The following DAAM2 variants were observed in gnomAD, a reference collection of about 807,000 sequenced individuals.
DAAM2 encodes disheveled-associated activator of morphogenesis 2.
A neutral mutation model predicts 120.7 loss-of-function variants in DAAM2; 39 were observed. The observed-to-expected ratio is 0.32, with a 90% CI of 0.25 to 0.42. DAAM2 has a LOEUF of 0.42. Ranked by LOEUF, DAAM2 falls within the 10% of genes least tolerant of loss-of-function variation. DAAM2 has a pLI of 1.00. For missense variants in DAAM2, 1,283 were observed against 1,401.7 expected (o/e 0.92, Z 1.35); for synonymous variants, 488 against 524.9 (o/e 0.93, Z 0.96).
intron 1 of DAAM2, among the ~76,000 whole-genome samples, chr6:39,794,605 G>A (rs1761645305): frequency 1.3e-5 from 2 of 152,148 alleles, no homozygotes; most frequent in Admixed American, 1.3e-4. Flanking sequence ...GAGCGTGGAG[G>A]AAGTTGAAAT....
At chr6:39,892,893 G>C (rs375212100) in intron 19 of DAAM2, among the ~76,000 whole-genome samples, 5 of 152,292 alleles carry the variant, frequency 3.3e-5, no homozygotes, top group Admixed American at 2.0e-4. Flanking sequence ...CACAGCAAGG[G>C]ACCTGCAGGT....
At chr6:39,883,911 C>A in intron 14 of DAAM2, 51 bp from the exon 15 acceptor site, 1 of 1,256,586 alleles carries the variant, frequency 8.0e-7, no homozygotes. Context: ...GGAGCATCTT[C>A]ATGATGGAGT....
At chr6:39,879,624 G>A (rs769990999) in intron 14 of DAAM2, 147 bp downstream of exon 14, 16 of 1,063,658 alleles carry the variant, frequency 1.5e-5, no homozygotes, top group Non-Finnish European at 2.0e-5. Context: ...GTACAAAGTG[G>A]GTTTGCTGTG....
intron 14 of DAAM2, among the ~76,000 whole-genome samples, chr6:39,882,791 G>A (rs982598352): frequency 3.3e-5 from 5 of 152,074 alleles, no homozygotes; most frequent in African/African-American, 1.2e-4. Flanking sequence ...TCTGTGTTGG[G>A]GTTGGCCAGC....
At chr6:39,864,297 T>C in intron 3 of DAAM2, 136 bp from the exon 4 acceptor site, 1 of 630,220 alleles carries the variant, frequency 1.6e-6, no homozygotes, top group South Asian at 2.0e-5. Flanking sequence ...TGGGGGAGAG[T>C]GTAATTTCCT....
intron 14 of DAAM2, among the ~76,000 whole-genome samples, chr6:39,880,402 CA>C (rs1319228943): frequency 2.6e-5 from 4 of 152,062 alleles, no homozygotes; most frequent in Non-Finnish European, 5.9e-5. Context: ...AGCTATCTGC[CA>C]GGGGTCTTCT....
At chr6:39,821,550 C>G (rs1314941178) in intron 1 of DAAM2, 5 of 152,270 alleles carry the variant, frequency 3.3e-5, no homozygotes, top group Non-Finnish European at 7.3e-5. Flanking sequence ...TCTGGTGACT[C>G]TTGCCAGTGG....
At chr6:39,871,262 T>C (rs1764648924) in intron 8 of DAAM2, among the ~76,000 whole-genome samples, 1 of 152,070 alleles carries the variant, frequency 6.6e-6, no homozygotes, top group Non-Finnish European at 1.5e-5. Context: ...AGTGCCGAAG[T>C]ATAGAAGCCC....
chr6:39,864,514 G>C lies in DAAM2; in HGVS notation c.333+7G>C, dbSNP rs1273888784. 6.2e-7 allele frequency: 1 copy of C among 1,606,298 alleles called. No homozygotes were observed. The highest frequency in any genetic ancestry group is 1.1e-5 in the South Asian group (1 of 89,468). ...CATCAATTCCATGGCTGCGGTGAGT[G>C]GCTGCCCCTCTCCTGCCCTGCCCCC... On this transcript the variant is annotated splice_region_variant and intron_variant, in intron 4 of 24. Coordinates refer to ENST00000274867, the MANE Select transcript of DAAM2 (RefSeq NM_001201427.2).
chr6:39,901,746 TG>T lies in DAAM2; in HGVS notation c.2983-61del. On this transcript the variant is annotated intron_variant, in intron 24 of 24. Coordinates refer to ENST00000274867, the MANE Select transcript of DAAM2 (RefSeq NM_001201427.2). The surrounding 1 kb of genome is among the most constrained non-coding windows in gnomAD (Gnocchi z 4.5). The stretch of plus-strand genomic sequence containing the variant: ...CATGGCCTAGGAGTTAGCCCAGGGT[TG>T]GGGGGCTGCCCTGGCCTCAGCGCCT... The T allele has an allele frequency of 7.2e-7, 1 of 1,387,876 alleles. No homozygotes were observed. The highest frequency in any genetic ancestry group is 9.5e-7 in the Non-Finnish European group (1 of 1,047,244). The allele number at this position is 1,387,876 out of a possible 1,614,324, so 86.0% of individuals were successfully genotyped here.
rs537990754 is a variant in DAAM2 at position 39,868,323 on chromosome 6, A to G, written c.762+480A>G. On this transcript the variant is annotated intron_variant, in intron 6 of 24. Coordinates refer to ENST00000274867, the MANE Select transcript of DAAM2 (RefSeq NM_001201427.2). ...TTTTCTTTCCCTGACCTGCCCAGAG[A>G]AGTATCAGTGAGATGAACAGTAAAT... 21 of 225,616 alleles carry G rather than the reference A, an allele frequency of 9.3e-5. No homozygotes were observed. In the East Asian group the frequency reaches 2.1e-3, roughly 23 times the overall value. 14.0% of individuals were successfully genotyped at this position (225,616 alleles called of 1,614,324 possible). A position where few individuals can be genotyped will look rare whatever the true frequency, so the allele number is the denominator to read the frequency against.
Position 39,888,713 on chromosome 6 carries a change from A to G in DAAM2, c.2095A>G (p.Ile699Val), listed in dbSNP as rs61757199. The G allele has an allele frequency of 1.1e-3, 1,834 of 1,613,486 alleles. 2 individuals carry two copies. Among genetic ancestry groups the G allele is most frequent in the Non-Finnish European group, 1.3e-3 (1,577 of 1,179,596 alleles). Residue 699 changes from isoleucine to valine, a missense_variant, in exon 17 of 25, where the codon ATC becomes GTC. Physicochemically the swap from Ile to Val is conservative, Grantham distance 29. Coordinates refer to ENST00000274867, the MANE Select transcript of DAAM2 (RefSeq NM_001201427.2). ...KLSNEEIRQA[I>V]LKMDEQEDLA... ...TTCTAACGAGGAGATCCGGCAGGCC[A>G]TCTTGAAGATGGATGAGCAGGAGGA...
In DAAM2 at chr6:39,883,994, T is replaced by G. The variant is rs367794312; in HGVS notation, c.1878T>G (p.Ile626Met). Reference sequence around the variant, plus strand: ...TCCCTGGCACCGTATGGAATGAGATTGATGACATGCAGGTATTTCGGATCC... The same window carrying G: ...TCCCTGGCACCGTATGGAATGAGATGGATGACATGCAGGTATTTCGGATCC... ...ERVPGTVWNEIDDMQVFRILD... is the reference protein window; with the variant it reads ...ERVPGTVWNEMDDMQVFRILD... The change falls in exon 15 of 25, where the codon ATT becomes ATG. Residue 626 changes from isoleucine (I) to methionine (M), a missense_variant. Ile to Met is a conservative substitution (Grantham distance 10, BLOSUM62 1). Transcript: ENST00000274867. 5.0e-6 allele frequency: 8 copies of G among 1,613,568 alleles called. No homozygotes were observed. In the African/African-American group the frequency reaches 1.1e-4, roughly 22 times the overall value.
At chr6:39,861,130 C>A in intron 3 of DAAM2, 113 bp downstream of exon 3, 1 of 814,454 alleles carries the variant, frequency 1.2e-6, no homozygotes. Flanking sequence ...CAGCCCTGTT[C>A]TAGGTGTTGG....
intron 3 of DAAM2, among the ~76,000 whole-genome samples, chr6:39,863,965 T>C (rs1284443683): frequency 6.6e-6 from 1 of 152,222 alleles, no homozygotes; most frequent in African/African-American, 2.4e-5. Context: ...ATTAGTGTTC[T>C]AGAAATACCT....
At chr6:39,892,542 A>G (rs1765794877) in intron 19 of DAAM2, among the ~76,000 whole-genome samples, 1 of 152,144 alleles carries the variant, frequency 6.6e-6, no homozygotes, top group Admixed American at 6.5e-5. Context: ...TGGGAGAGGC[A>G]GGAGGTCAGG....
chr6:39,856,299 G>T lies in DAAM2; in HGVS notation c.-4G>T. 1.3e-6 allele frequency: 2 copies of T among 1,524,578 alleles called. No homozygotes were observed. Among genetic ancestry groups the T allele is most frequent in the Admixed American group, 2.1e-5 (1 of 48,398 alleles). 94.4% of individuals were successfully genotyped at this position (1,524,578 alleles called of 1,614,324 possible). ...CTGCTGACGCCCCCTGGCCTGCAGT[G>T]ACCATGGCCCCCCGCAAGAGGAGCC... On this transcript the variant is annotated 5_prime_UTR_variant, in exon 2 of 25. Coordinates refer to ENST00000274867, the MANE Select transcript of DAAM2 (RefSeq NM_001201427.2).
intron 10 of DAAM2, among the ~76,000 whole-genome samples, chr6:39,874,271 C>G (rs1445405742): frequency 6.6e-6 from 1 of 152,164 alleles, no homozygotes; most frequent in African/African-American, 2.4e-5. Flanking sequence ...CATGTTCTGC[C>G]TCTTTGAGCT....
At chr6:39,889,747 T>A (rs568094056) in intron 17 of DAAM2, among the ~76,000 whole-genome samples, 1 of 152,326 alleles carries the variant, frequency 6.6e-6, no homozygotes, top group Non-Finnish European at 1.5e-5. Context: ...AAACAACCAA[T>A]TAACACATAT....
Sources: gnomAD v4.1 joint callset for allele counts (sites outside exome capture counted in the v4.1 genomes callset) on GRCh38, gnomAD v4.1.1 for gene constraint, Gnocchi (gnomAD v3.1) non-coding constraint, MANE v1.5 for transcripts, NCBI Gene and HGNC (gene_info 2026-07-23, HGNC 2026-07-21) for gene names.